CADPS2: variants seen among roughly 807,000 people sequenced by gnomAD.
CADPS2 encodes the protein calcium dependent secretion activator 2.
A neutral mutation model predicts 172.5 loss-of-function variants in CADPS2; 93 were observed. The observed-to-expected ratio is 0.54, with a 90% CI of 0.46 to 0.64. The LOEUF is 0.64. Ranked by LOEUF, CADPS2 falls within the 30% of genes least tolerant of loss-of-function variation. CADPS2 has a pLI of 0.00. For missense variants in CADPS2, 1,420 were observed against 1,565.9 expected, an observed-to-expected ratio of 0.91 and a Z score of 1.57; for synonymous variants, 546 against 555.2, an observed-to-expected ratio of 0.98 and a Z score of 0.23.
intron 27 of CADPS2, among the ~76,000 whole-genome samples, chr7:122,349,246 T>C (rs1585174679): frequency 6.6e-6 from 1 of 152,156 alleles, no homozygotes; most frequent in Non-Finnish European, 1.5e-5. Flanking sequence ...ATTAAGAATA[T>C]TGTATTCTAG....
chr7:122,741,051 T>G (rs1257226150), intron 1 of CADPS2, among the ~76,000 whole-genome samples: 1 of 152,156 alleles, frequency 6.6e-6, no homozygotes, highest in Non-Finnish European at 1.5e-5. Flanking sequence ...ATTTACCACA[T>G]AATTCTTAAT....
chr7:122,851,848 G>A (rs889032432), intron 1 of CADPS2, among the ~76,000 whole-genome samples: 1 of 152,096 alleles, frequency 6.6e-6, no homozygotes, highest in Non-Finnish European at 1.5e-5. Context: ...AATTATGGGA[G>A]CTACAACTCA....
intron 1 of CADPS2, among the ~76,000 whole-genome samples, chr7:122,740,961 G>C (rs2092441330): frequency 1.3e-5 from 2 of 152,038 alleles, no homozygotes; most frequent in Admixed American, 1.3e-4. Context: ...CATATCCTTG[G>C]AATCAGCAAT....
At chr7:122,433,576 T>C (rs922858890) in intron 17 of CADPS2, among the ~76,000 whole-genome samples, 1 of 152,046 alleles carries the variant, frequency 6.6e-6, no homozygotes. Flanking sequence ...GCTAATTTTG[T>C]ATTTTTAGTA....
chr7:122,655,328 G>A (rs1277842743), intron 3 of CADPS2, among the ~76,000 whole-genome samples: 1 of 152,144 alleles, frequency 6.6e-6, no homozygotes, highest in Non-Finnish European at 1.5e-5. Flanking sequence ...AATCTTTTGT[G>A]AAAAGAAGAG....
intron 2 of CADPS2, among the ~76,000 whole-genome samples, chr7:122,705,596 T>C (rs2086918239): frequency 9.1e-6 from 1 of 110,312 alleles, no homozygotes; most frequent in African/African-American, 3.7e-5. Context: ...TATAATATAT[T>C]TTATATATTA....
At chr7:122,566,363 T>C (rs1286537681) in intron 7 of CADPS2, among the ~76,000 whole-genome samples, 1 of 152,048 alleles carries the variant, frequency 6.6e-6, no homozygotes, top group African/African-American at 2.4e-5. Context: ...TGCAGGTTCC[T>C]CAAAAAAAGT....
chr7:122,541,878 TATATATATTC>T lies in CADPS2; in HGVS notation c.1475+12662_1475+12671del, dbSNP rs796858810. Among the ~76,000 whole-genome samples, 91 of 131,080 alleles carry T rather than the reference TATATATATTC, an allele frequency of 6.9e-4. No homozygotes were observed. The East Asian group carries it at 0.014, about 20-fold the overall frequency. The allele number at this position is 131,080 out of a possible 152,430, so 86.0% of individuals were successfully genotyped here. ...ATATTTATATATATGCATATATATTTATATATATTCATATATATTTATATATTCATATATA... is the reference window on the plus strand; with the variant it reads ...ATATTTATATATATGCATATATATTTATATATATTTATATATTCATATATA... On this transcript the variant is annotated intron_variant, in intron 8 of 29. Coordinates refer to ENST00000449022, the MANE Select transcript of CADPS2 (RefSeq NM_017954.11).
intron 6 of CADPS2, 61 bp from the exon 7 acceptor site, chr7:122,581,351 T>C (rs186391942): frequency 1.6e-6 from 2 of 1,287,256 alleles, no homozygotes; most frequent in Non-Finnish European, 2.3e-6. Flanking sequence ...CCCAAGGAGA[T>C]GTGTCTCCAT....
intron 1 of CADPS2, 116 bp downstream of exon 1, chr7:122,885,883 C>G: frequency 7.9e-7 from 1 of 1,260,788 alleles, no homozygotes. Context: ...CCCTCAGAGA[C>G]TAACAAAAAT....
chr7:122,541,199 A>G (rs888343616), intron 8 of CADPS2, among the ~76,000 whole-genome samples: 1 of 138,126 alleles, frequency 7.2e-6, no homozygotes, highest in African/African-American at 2.7e-5. Flanking sequence ...TTATGAGATG[A>G]TTTTTTTTTT....
At chr7:122,757,364 G>A (rs2093207917) in intron 1 of CADPS2, among the ~76,000 whole-genome samples, 1 of 151,990 alleles carries the variant, frequency 6.6e-6, no homozygotes, top group African/African-American at 2.4e-5. Flanking sequence ...GTCCAGGCTG[G>A]TCTCAAACTT....
At chr7:122,531,083 G>A (rs541926033) in intron 8 of CADPS2, among the ~76,000 whole-genome samples, 1 of 152,310 alleles carries the variant, frequency 6.6e-6, no homozygotes, top group African/African-American at 2.4e-5. Flanking sequence ...AGAGAGTACA[G>A]TGTCACACTG....
chr7:122,642,682 T>C (rs974300912), intron 3 of CADPS2, among the ~76,000 whole-genome samples: 3 of 152,148 alleles, frequency 2.0e-5, no homozygotes, highest in African/African-American at 7.2e-5. Context: ...CTTTTCACAG[T>C]ACTGTTTAGC....
chr7:122,338,388 T>C (rs1008198663), intron 28 of CADPS2, among the ~76,000 whole-genome samples: 2 of 152,140 alleles, frequency 1.3e-5, no homozygotes, highest in Non-Finnish European at 2.9e-5. Flanking sequence ...AGTGAGACTC[T>C]GTCTCAGAAA....
Position 122,388,574 on chromosome 7 carries a change from C to T in CADPS2, c.3164+9G>A, listed in dbSNP as rs1314935688. 2.5e-6 allele frequency: 4 copies of T among 1,568,934 alleles called. No homozygotes were observed. Among genetic ancestry groups the T allele is most frequent in the Non-Finnish European group, 2.6e-6 (3 of 1,153,884 alleles). On this transcript the variant is annotated intron_variant, in intron 23 of 29. Transcript: ENST00000449022. ...CACATTAAGCAGCAATTTGAAAATA[C>T]ATGTCTACCTTTTGACACAGGCCTC...
At chr7:122,837,366 G>T (rs1300596490) in intron 1 of CADPS2, among the ~76,000 whole-genome samples, 2 of 152,216 alleles carry the variant, frequency 1.3e-5, no homozygotes, top group East Asian at 3.9e-4. Flanking sequence ...ACAATTAAAA[G>T]AACTAGAGAA....
intron 1 of CADPS2, among the ~76,000 whole-genome samples, chr7:122,868,394 AAAG>A (rs542711065): frequency 1.4e-3 from 220 of 152,184 alleles, no homozygotes; most frequent in African/African-American, 5.2e-3. Context: ...TCCACTTCTC[AAAG>A]AAGGAACAGA....
At chr7:122,734,532 G>A (rs2092004881) in intron 2 of CADPS2, among the ~76,000 whole-genome samples, 1 of 151,578 alleles carries the variant, frequency 6.6e-6, no homozygotes, top group South Asian at 2.1e-4. Context: ...ATTGCAAGGA[G>A]ATATTGAAAG....
Sources: gnomAD v4.1 joint callset for allele counts (sites outside exome capture counted in the v4.1 genomes callset) on GRCh38, gnomAD v4.1.1 for gene constraint, MANE v1.5 for transcripts, NCBI Gene and HGNC (gene_info 2026-07-23, HGNC 2026-07-21) for gene names.